The following HIVEP3 variants were observed in gnomAD, a reference collection of about 807,000 sequenced individuals.
The protein encoded by HIVEP3 is HIVEP zinc finger 3.
HIVEP3 carries 49 observed loss-of-function variants against 152.8 expected under a neutral mutation model. The ratio of observed to expected loss-of-function variants is 0.32; its 90% confidence interval spans 0.26 to 0.41. The LOEUF (loss-of-function observed/expected upper bound fraction) is 0.41, where lower values mean the gene tolerates loss of function less well. HIVEP3 is among the 10% of genes least tolerant of loss of function. The probability of loss-of-function intolerance (pLI) is 1.00; values close to 1 mark genes in which losing one functional copy is unlikely to be tolerated. For missense variants in HIVEP3, 2,790 were observed against 3,103.3 expected (o/e 0.90, Z 2.40); for synonymous variants, 1,269 against 1,289.0 (o/e 0.98, Z 0.33).
intron 3 of HIVEP3, among the ~76,000 whole-genome samples, chr1:41,618,666 C>T (rs1307069229): frequency 6.6e-6 from 1 of 151,118 alleles, no homozygotes; most frequent in East Asian, 1.9e-4. Flanking sequence ...TCCCTGACCA[C>T]CCCAGGCCCC....
chr1:41,978,124 T>G (rs1645271453), intron 1 of HIVEP3, among the ~76,000 whole-genome samples: 1 of 152,230 alleles, frequency 6.6e-6, no homozygotes, highest in Non-Finnish European at 1.5e-5. Context: ...TAGAATGTAT[T>G]AGTTTACAAC....
chr1:41,823,149 G>A (rs1642658452), intron 1 of HIVEP3, among the ~76,000 whole-genome samples: 1 of 152,168 alleles, frequency 6.6e-6, no homozygotes, highest in South Asian at 2.1e-4. Context: ...TAGCAAGAAG[G>A]CAACCGTCAG....
intron 1 of HIVEP3, among the ~76,000 whole-genome samples, chr1:41,778,340 C>T (rs1648838458): frequency 6.6e-6 from 1 of 152,096 alleles, no homozygotes; most frequent in South Asian, 2.1e-4. Flanking sequence ...CAGTGTAGTT[C>T]AGGTGGCTCT....
chr1:41,838,264 T>C (rs1164669419), intron 1 of HIVEP3, among the ~76,000 whole-genome samples: 1 of 152,158 alleles, frequency 6.6e-6, no homozygotes, highest in Non-Finnish European at 1.5e-5. Context: ...ATCCACATAA[T>C]GTCATCGACA....
intron 1 of HIVEP3, among the ~76,000 whole-genome samples, chr1:41,755,164 C>T (rs1235815938): frequency 6.6e-6 from 1 of 152,162 alleles, no homozygotes; most frequent in East Asian, 1.9e-4. Context: ...CTACAGCCAA[C>T]CGAGTTTGGA....
At chr1:41,833,216 C>T (rs556378609) in intron 1 of HIVEP3, among the ~76,000 whole-genome samples, 1 of 152,220 alleles carries the variant, frequency 6.6e-6, no homozygotes, top group African/African-American at 2.4e-5. Context: ...GGAACAGTGG[C>T]TCTAAAAGTG....
chr1:41,517,788 A>T (rs1300359369), intron 7 of HIVEP3, among the ~76,000 whole-genome samples: 1 of 152,168 alleles, frequency 6.6e-6, no homozygotes, highest in Non-Finnish European at 1.5e-5. Context: ...TGACTCTAAG[A>T]TGCCTCCTGG....
At chr1:41,578,294 T>G (rs1322825308) in intron 4 of HIVEP3, among the ~76,000 whole-genome samples, 2 of 152,228 alleles carry the variant, frequency 1.3e-5, no homozygotes, top group Non-Finnish European at 2.9e-5. Context: ...TATGAATAAT[T>G]ATAACAGCAT....
intron 1 of HIVEP3, among the ~76,000 whole-genome samples, chr1:41,712,658 C>T (rs942857603): frequency 6.6e-6 from 1 of 152,206 alleles, no homozygotes; most frequent in African/African-American, 2.4e-5. Context: ...GCTGACCTGC[C>T]TCAGGGGTCT....
At chr1:41,943,531 T>G (rs1194470137) in intron 1 of HIVEP3, among the ~76,000 whole-genome samples, 1 of 152,206 alleles carries the variant, frequency 6.6e-6, no homozygotes, top group Non-Finnish European at 1.5e-5. Flanking sequence ...CAGCCAAATA[T>G]TCCCACTTCA....
chr1:41,667,293 G>A (rs1405853430), intron 2 of HIVEP3, among the ~76,000 whole-genome samples: 1 of 152,240 alleles, frequency 6.6e-6, no homozygotes, highest in Admixed American at 6.5e-5. Flanking sequence ...AACTACAGGA[G>A]GCCAGTTGGC....
upstream of HIVEP3, among the ~76,000 whole-genome samples, chr1:41,919,415 T>A (rs1644921371): frequency 6.6e-6 from 1 of 152,226 alleles, no homozygotes; most frequent in Non-Finnish European, 1.5e-5. Flanking sequence ...CTCCTTGCCC[T>A]GCCCTGCCTT....
intron 1 of HIVEP3, among the ~76,000 whole-genome samples, chr1:41,779,567 C>T (rs928533912): frequency 2.6e-5 from 4 of 152,196 alleles, no homozygotes; most frequent in Non-Finnish European, 5.9e-5. Flanking sequence ...ACGATTTTTG[C>T]TCATTGCAAC....
chr1:41,583,137 T>TG lies in HIVEP3; in HGVS notation c.1660dup (p.His554ProfsTer7). On this transcript the variant is annotated frameshift_variant, in exon 4 of 9. Transcript: ENST00000372583. LOFTEE classifies it high-confidence loss of function. This position sits in a 1 kb window ranked among gnomAD's most constrained non-coding sequence, Gnocchi z 6.9. ...GGAGTAGCTACCTCGGAAGGGGTGGTGGGGGGTGCTGATAGTGCAGGCGGC... is the reference window on the plus strand; with the variant it reads ...GGAGTAGCTACCTCGGAAGGGGTGGTGGGGGGGTGCTGATAGTGCAGGCGGC... The TG allele has an allele frequency of 6.2e-7, 1 of 1,606,346 alleles. No individual in the cohort carries two copies. Among genetic ancestry groups the TG allele is most frequent in the Non-Finnish European group, 8.5e-7 (1 of 1,177,944 alleles).
In HIVEP3 at chr1:41,509,898, C is replaced by T. The variant is rs989074463; in HGVS notation, c.*553G>A. 3 of 150,960 alleles carry T rather than the reference C, an allele frequency of 2.0e-5. No individual in the cohort carries two copies. Among genetic ancestry groups the T allele is most frequent in the African/African-American group, 7.3e-5 (3 of 41,010 alleles). 9.4% of individuals were successfully genotyped at this position (150,960 alleles called of 1,614,324 possible). ...CCTGCTGGGGCCTGGGTGGGGGTCA[C>T]CTGCCTGTGTTTGTGCCCCTCTGCC... is the stretch of plus-strand genomic sequence containing the variant. On this transcript the variant is annotated 3_prime_UTR_variant, in exon 9 of 9. Coordinates refer to ENST00000372583, the MANE Select transcript of HIVEP3 (RefSeq NM_024503.5).
chr1:41,552,529 C>T lies in HIVEP3; in HGVS notation c.5207+23015G>A, dbSNP rs537145763. On this transcript the variant is annotated intron_variant, in intron 5 of 8. Coordinates refer to ENST00000372583, the MANE Select transcript of HIVEP3 (RefSeq NM_024503.5). ...GATGATTTCCAATTTCATCCATGTCCCTACAAAGGACATGAACTCATCATT... is the reference window on the plus strand; with the variant it reads ...GATGATTTCCAATTTCATCCATGTCTCTACAAAGGACATGAACTCATCATT... Among the ~76,000 whole-genome samples the T allele has an allele frequency of 1.2e-4, 18 of 146,946 alleles. No individual in the cohort carries two copies. The East Asian group carries it at 3.2e-3, about 26-fold the overall frequency.
intron 1 of HIVEP3, among the ~76,000 whole-genome samples, chr1:41,841,953 C>T (rs568093934): frequency 9.8e-4 from 149 of 152,030 alleles, no homozygotes; most frequent in African/African-American, 3.3e-3. Context: ...CTTAGCCAGG[C>T]GTGGTGGTGT....
intron 1 of HIVEP3, among the ~76,000 whole-genome samples, chr1:41,996,357 T>C (rs1645395796): frequency 6.7e-6 from 1 of 148,862 alleles, no homozygotes; most frequent in Non-Finnish European, 1.5e-5. Flanking sequence ...GTCACTGCAC[T>C]CCAGCCTGGG....
At chr1:41,598,273 TC>T (rs1383489006) in intron 3 of HIVEP3, among the ~76,000 whole-genome samples, 1 of 152,222 alleles carries the variant, frequency 6.6e-6, no homozygotes, top group Non-Finnish European at 1.5e-5. Flanking sequence ...CTGGCAGGTC[TC>T]TAGTGGTTCC....
Sources: allele counts gnomAD v4.1 joint callset (sites outside exome capture counted in the v4.1 genomes callset), GRCh38; gene constraint gnomAD v4.1.1; non-coding constraint Gnocchi (gnomAD v3.1); transcripts MANE v1.5; gene names NCBI Gene and HGNC (gene_info 2026-07-23, HGNC 2026-07-21).